NEGR1: variants seen among roughly 807,000 people sequenced by gnomAD.
The protein encoded by NEGR1 is IgLON family member 4.
In NEGR1, 10 loss-of-function variants were observed where a neutral mutation model predicts 40.9. That is an observed-to-expected ratio of 0.24 (90% CI 0.15 to 0.42). The LOEUF (loss-of-function observed/expected upper bound fraction) is 0.42. NEGR1 is among the 10% of genes least tolerant of loss of function. The pLI is 1.00. For synonymous variants in NEGR1, 185 were observed against 166.8 expected (o/e 1.11, Z -0.84); for missense variants, 352 against 438.9 (o/e 0.80, Z 1.77).
At chr1:71,722,285 C>T (rs1202005136) in intron 3 of NEGR1, among the ~76,000 whole-genome samples, 5 of 152,098 alleles carry the variant, frequency 3.3e-5, no homozygotes, top group South Asian at 2.1e-4. Context: ...CCACCTCCTC[C>T]GTTTCCTAAC....
At chr1:71,742,353 G>T (rs566082528) in intron 3 of NEGR1, among the ~76,000 whole-genome samples, 298 of 152,230 alleles carry the variant, frequency 2.0e-3, no homozygotes, top group Middle Eastern at 6.8e-3. Flanking sequence ...TATAGAGACA[G>T]GATAACTGCC....
intron 2 of NEGR1, among the ~76,000 whole-genome samples, chr1:71,869,488 A>G (rs910182883): frequency 1.3e-5 from 2 of 152,212 alleles, no homozygotes; most frequent in African/African-American, 4.8e-5. Context: ...GAAAACAGAC[A>G]GATAGTCCAT....
At chr1:72,132,489 A>C (rs1650296140) in intron 1 of NEGR1, among the ~76,000 whole-genome samples, 1 of 152,174 alleles carries the variant, frequency 6.6e-6, no homozygotes, top group South Asian at 2.1e-4. Flanking sequence ...AAAACAAACA[A>C]ACAAAATAAA....
intron 2 of NEGR1, among the ~76,000 whole-genome samples, chr1:71,801,644 T>G (rs2101748912): frequency 6.6e-6 from 1 of 152,274 alleles, no homozygotes; most frequent in East Asian, 1.9e-4. Flanking sequence ...TATCAGAAAA[T>G]CTATTTGCCT....
At chr1:71,922,280 C>T (rs1645727565) in intron 2 of NEGR1, among the ~76,000 whole-genome samples, 1 of 152,122 alleles carries the variant, frequency 6.6e-6, no homozygotes, top group South Asian at 2.1e-4. Flanking sequence ...AGTCTACAAT[C>T]ACTCTCTTGC....
At chr1:71,585,706 T>TTG (rs1553151821) in intron 6 of NEGR1, among the ~76,000 whole-genome samples, 1,642 of 150,984 alleles carry the variant, frequency 0.011, 39 homozygotes, top group African/African-American at 0.038. Context: ...TTTTTTTTTT[T>TTG]TTTTTACTCA....
intron 1 of NEGR1, among the ~76,000 whole-genome samples, chr1:71,978,897 C>A (rs914398906): frequency 6.6e-6 from 1 of 152,014 alleles, no homozygotes; most frequent in South Asian, 2.1e-4. Flanking sequence ...ACTGTAAGGA[C>A]ATATGCACAT....
intron 2 of NEGR1, among the ~76,000 whole-genome samples, chr1:71,879,467 A>G (rs2101841408): frequency 6.6e-6 from 1 of 152,292 alleles, no homozygotes; most frequent in East Asian, 1.9e-4. Flanking sequence ...ACTTTTAGGG[A>G]GGCAAATCAA....
At chr1:72,106,473 T>A (rs1054723623) in intron 1 of NEGR1, among the ~76,000 whole-genome samples, 2 of 152,006 alleles carry the variant, frequency 1.3e-5, no homozygotes, top group African/African-American at 4.8e-5. Context: ...TCTCTTAGCT[T>A]AAGTTACTCA....
intron 4 of NEGR1, among the ~76,000 whole-genome samples, chr1:71,627,117 A>G (rs1650812977): frequency 6.6e-6 from 1 of 152,154 alleles, no homozygotes; most frequent in Non-Finnish European, 1.5e-5. Flanking sequence ...AGCTAGAAAT[A>G]CCATTTGACC....
intron 1 of NEGR1, among the ~76,000 whole-genome samples, chr1:72,109,841 T>C (rs1440187523): frequency 6.6e-6 from 1 of 151,704 alleles, no homozygotes; most frequent in Non-Finnish European, 1.5e-5. Context: ...AAATTGGGGC[T>C]GGTTTACATA....
At chr1:72,081,103 A>G (rs1311735283) in intron 1 of NEGR1, among the ~76,000 whole-genome samples, 1 of 152,140 alleles carries the variant, frequency 6.6e-6, no homozygotes, top group East Asian at 1.9e-4. Flanking sequence ...TCATTTACAT[A>G]CTTTCAGTTG....
intron 1 of NEGR1, among the ~76,000 whole-genome samples, chr1:72,040,340 G>A (rs538099590): frequency 6.6e-6 from 1 of 151,916 alleles, no homozygotes; most frequent in South Asian, 2.1e-4. Context: ...GAGCATCACA[G>A]TAGCTTGGAG....
At chr1:72,108,214 C>A (rs1176938488) in intron 1 of NEGR1, among the ~76,000 whole-genome samples, 1 of 151,522 alleles carries the variant, frequency 6.6e-6, no homozygotes, top group African/African-American at 2.4e-5. Flanking sequence ...TATTTTATGA[C>A]AAAAAGATTC....
chr1:72,156,598 A>G (rs1651364841), intron 1 of NEGR1, among the ~76,000 whole-genome samples: 1 of 152,086 alleles, frequency 6.6e-6, no homozygotes, highest in African/African-American at 2.4e-5. Context: ...CTGTATTGCT[A>G]TTTTTTGTCA....
intron 6 of NEGR1, among the ~76,000 whole-genome samples, chr1:71,549,004 A>T (rs993414343): frequency 1.3e-5 from 2 of 151,734 alleles, no homozygotes; most frequent in African/African-American, 4.8e-5. Flanking sequence ...TGAGAACAGG[A>T]GAGTTCTTAT....
intron 1 of NEGR1, among the ~76,000 whole-genome samples, chr1:72,092,191 G>C (rs1388158599): frequency 1.1e-4 from 16 of 152,120 alleles, no homozygotes; most frequent in South Asian, 2.1e-4. Flanking sequence ...GGTATGTCTG[G>C]AAGTGTCAGA....
intron 1 of NEGR1, among the ~76,000 whole-genome samples, chr1:71,953,885 C>G (rs535020548): frequency 2.0e-5 from 3 of 151,904 alleles, no homozygotes; most frequent in African/African-American, 7.2e-5. Flanking sequence ...AATGTAAACA[C>G]AACTTTTGTT....
At chr1:71,717,765 T>C (rs536025173) in intron 3 of NEGR1, among the ~76,000 whole-genome samples, 2 of 152,226 alleles carry the variant, frequency 1.3e-5, no homozygotes, top group East Asian at 3.9e-4. Flanking sequence ...CTTAAAAAGG[T>C]AATTAAGTTA....
Sources: gnomAD v4.1 joint callset for allele counts (sites outside exome capture counted in the v4.1 genomes callset) on GRCh38, gnomAD v4.1.1 for gene constraint, MANE v1.5 for transcripts, NCBI Gene and HGNC (gene_info 2026-07-23, HGNC 2026-07-21) for gene names.